NNT: variants seen among roughly 807,000 people sequenced by gnomAD.
NNT encodes NAD(P) transhydrogenase, mitochondrial.
In NNT, 50 loss-of-function variants were observed where a neutral mutation model predicts 104.8. The ratio of observed to expected loss-of-function variants is 0.48; its 90% CI spans 0.38 to 0.60. The LOEUF is 0.60. Ranked by LOEUF, NNT falls within the 20% of genes least tolerant of loss-of-function variation. The pLI, the probability that NNT is intolerant of heterozygous loss-of-function variation, is 0.00. For missense variants in NNT, 1,131 were observed against 1,330.7 expected (o/e 0.85, Z 2.33); for synonymous variants, 461 against 490.4 (o/e 0.94, Z 0.79).
Position 43,644,879 on chromosome 5 carries a change from A to G in NNT, c.1290+77A>G, listed in dbSNP as rs1393475414. ...GAATTTCTGTTTATGGAAGAATTCT[A>G]TTTTGGAATTGAGACATATTTTAAT... On this transcript the variant is annotated intron_variant, in intron 9 of 21. Coordinates refer to ENST00000344920, the MANE Select transcript of NNT (RefSeq NM_182977.3). 10 of 1,235,814 alleles carry G rather than the reference A, an allele frequency of 8.1e-6. No individual in the cohort carries two copies. In the Admixed American group the frequency reaches 9.3e-5, roughly 11 times the overall value. 76.6% of individuals were successfully genotyped at this position (1,235,814 alleles called of 1,614,324 possible).
chr5:43,620,991 T>C (rs1280900447), intron 5 of NNT, among the ~76,000 whole-genome samples: 1 of 152,250 alleles, frequency 6.6e-6, no homozygotes, highest in Non-Finnish European at 1.5e-5. Context: ...CTATCTTTAT[T>C]GAAAATTTAA....
intron 19 of NNT, among the ~76,000 whole-genome samples, chr5:43,695,308 A>G (rs550466966): frequency 6.6e-6 from 1 of 152,302 alleles, no homozygotes; most frequent in South Asian, 2.1e-4. Context: ...TGATGCGCCT[A>G]TATGAAGAGT....
chr5:43,631,486 T>C (rs1355169808), intron 7 of NNT, among the ~76,000 whole-genome samples: 1 of 152,094 alleles, frequency 6.6e-6, no homozygotes, highest in Non-Finnish European at 1.5e-5. Flanking sequence ...GCGGGGAAGT[T>C]ATGAGAGGAT....
intron 4 of NNT, among the ~76,000 whole-genome samples, chr5:43,616,344 AAC>A (rs1749787060): frequency 1.3e-5 from 2 of 152,316 alleles, no homozygotes; most frequent in South Asian, 4.1e-4. Context: ...TTGTATGAGG[AAC>A]ACACTGTATT....
intron 2 of NNT, among the ~76,000 whole-genome samples, chr5:43,610,549 G>A (rs1167830758): frequency 6.6e-6 from 1 of 152,168 alleles, no homozygotes; most frequent in Non-Finnish European, 1.5e-5. Context: ...CTAGAATAAT[G>A]CCCTCTTTTG....
At chr5:43,661,176 G>A (rs149903931) in intron 17 of NNT, among the ~76,000 whole-genome samples, 1 of 152,144 alleles carries the variant, frequency 6.6e-6, no homozygotes, top group South Asian at 2.1e-4. Flanking sequence ...GAAGGTTTAT[G>A]TATCCTATTT....
At position 43,704,806 on chromosome 5, in the gene NNT, A is replaced by G. The variant is rs1743034503; in HGVS notation, c.*402A>G. ...CTGAAATATCTGACACAATGTAAAC[A>G]TTGCAGGCACCTGCATTTTATGTTT... On this transcript the variant is annotated 3_prime_UTR_variant, in exon 22 of 22. Coordinates refer to ENST00000344920, the MANE Select transcript of NNT (RefSeq NM_182977.3). 1 of 158,054 alleles carries G rather than the reference A, an allele frequency of 6.3e-6. No individual in the cohort carries two copies. The highest frequency in any genetic ancestry group is 1.4e-5 in the Non-Finnish European group (1 of 71,928). The allele number at this position is 158,054 out of a possible 1,614,324, so 9.8% of individuals were successfully genotyped here.
chr5:43,666,562 G>A (rs557409066), intron 17 of NNT, among the ~76,000 whole-genome samples: 2 of 151,290 alleles, frequency 1.3e-5, no homozygotes, highest in African/African-American at 2.4e-5. Flanking sequence ...GCCTCAGCTC[G>A]GCATCAGGGG....
chr5:43,651,608 A>T, intron 12 of NNT, 131 bp from the exon 13 acceptor site: 1 of 1,010,420 alleles, frequency 9.9e-7, no homozygotes, highest in Non-Finnish European at 1.5e-6. Flanking sequence ...GCAAAATGTT[A>T]CTTTAAATTA....
At chr5:43,654,359 A>G (rs1739928420) in intron 14 of NNT, among the ~76,000 whole-genome samples, 2 of 152,264 alleles carry the variant, frequency 1.3e-5, no homozygotes, top group African/African-American at 4.8e-5. Context: ...GATGCAGCTT[A>G]AACTTGAGAT....
At chr5:43,640,219 A>C (rs752204437) in intron 7 of NNT, among the ~76,000 whole-genome samples, 1 of 152,018 alleles carries the variant, frequency 6.6e-6, no homozygotes, top group Admixed American at 6.6e-5. Flanking sequence ...GCATCTCTTT[A>C]TATTTGAAGA....
rs1473481452 is a variant in NNT, at chr5:43,645,527, C to T, written c.1444+17C>T. The T allele has an allele frequency of 6.8e-7, 1 of 1,466,340 alleles. No homozygotes were observed. Among genetic ancestry groups the T allele is most frequent in the African/African-American group, 1.5e-5 (1 of 68,820 alleles). The allele number at this position is 1,466,340 out of a possible 1,614,324, so 90.8% of individuals were successfully genotyped here. Reference sequence around the variant, plus strand: ...ATACAGCAGGTGAGGATACCATTTACCAGGGTTTAGTCTTGATTGTTTGAT... The same window carrying T: ...ATACAGCAGGTGAGGATACCATTTATCAGGGTTTAGTCTTGATTGTTTGAT... On this transcript the variant is annotated intron_variant, in intron 10 of 21. Transcript: ENST00000344920.
rs1749931176 is a variant in NNT, at chr5:43,619,028, A to G, written c.600-4A>G. On this transcript the variant is annotated splice_region_variant and splice_polypyrimidine_tract_variant and intron_variant, in intron 4 of 21. Coordinates refer to ENST00000344920, the MANE Select transcript of NNT (RefSeq NM_182977.3). The stretch of plus-strand genomic sequence containing the variant: ...TTTATTTATTTATTTATTTATTTTT[A>G]AAGTTATAAGGCTGTTGTCCTAGCA... The G allele has an allele frequency of 2.8e-6, 4 of 1,445,430 alleles. No homozygotes were observed. Among genetic ancestry groups the G allele is most frequent in the Non-Finnish European group, 3.7e-6 (4 of 1,080,836 alleles). 89.5% of individuals were successfully genotyped at this position (1,445,430 alleles called of 1,614,324 possible).
intron 17 of NNT, chr5:43,666,883 C>A: frequency 4.5e-6 from 7 of 1,542,312 alleles, no homozygotes; most frequent in Non-Finnish European, 6.2e-6. Flanking sequence ...CCAGCACAGC[C>A]TGGGCCCCTT....
chr5:43,691,973 T>C (rs2112198379), intron 19 of NNT, among the ~76,000 whole-genome samples: 1 of 152,328 alleles, frequency 6.6e-6, no homozygotes, highest in East Asian at 1.9e-4. Context: ...ATGTAAGTTC[T>C]TCTTGGCAGA....
At chr5:43,634,399 C>T (rs1406597863) in intron 7 of NNT, among the ~76,000 whole-genome samples, 1 of 152,094 alleles carries the variant, frequency 6.6e-6, no homozygotes, top group Non-Finnish European at 1.5e-5. Flanking sequence ...TGTGTAATTC[C>T]ACAAAGAAAT....
rs1451690489 is a variant in NNT, at chr5:43,609,142, G to T, written c.-53-1G>T. Reference sequence around the variant, plus strand: ...ATACATCCTATTTTCTTTTTTCTTAGTGATTTGCCTTCAAGGAAACTGGGG... The same window carrying T: ...ATACATCCTATTTTCTTTTTTCTTATTGATTTGCCTTCAAGGAAACTGGGG... On this transcript the variant is annotated splice_acceptor_variant, in intron 1 of 21. Transcript: ENST00000344920. LOFTEE classifies it low-confidence loss of function (5UTR_SPLICE). 29 of 1,464,334 alleles carry T rather than the reference G, an allele frequency of 2.0e-5. No individual in the cohort carries two copies. Among genetic ancestry groups the T allele is most frequent in the Admixed American group, 1.0e-4 (5 of 49,138 alleles). 90.7% of individuals were successfully genotyped at this position (1,464,334 alleles called of 1,614,324 possible).
In NNT at chr5:43,705,382, G is replaced by T. The variant is rs1298721585; in HGVS notation, c.*978G>T. On this transcript the variant is annotated 3_prime_UTR_variant, in exon 22 of 22. Transcript: ENST00000344920. ...TACGGATGGATTTTTTTTCAAATCA[G>T]TGTGTGTTTTGAGGTCTTATGTAAT... is the stretch of plus-strand genomic sequence containing the variant. 1 of 151,984 alleles carries T rather than the reference G, an allele frequency of 6.6e-6. No individual in the cohort carries two copies. The highest frequency in any genetic ancestry group is 1.5e-5 in the Non-Finnish European group (1 of 67,948). 9.4% of individuals were successfully genotyped at this position (151,984 alleles called of 1,614,324 possible). A position where few individuals can be genotyped will look rare whatever the true frequency, so the allele number is the denominator to read the frequency against.
chr5:43,673,559 T>A (rs1469630852), intron 17 of NNT, among the ~76,000 whole-genome samples: 2 of 152,234 alleles, frequency 1.3e-5, no homozygotes, highest in African/African-American at 4.8e-5. Context: ...ATTTCAGAAC[T>A]GTATAATTCA....
Sources: gnomAD v4.1 joint callset for allele counts (sites outside exome capture counted in the v4.1 genomes callset) on GRCh38, gnomAD v4.1.1 for gene constraint, MANE v1.5 for transcripts, NCBI Gene and HGNC (gene_info 2026-07-23, HGNC 2026-07-21) for gene names.